Variants in TBC1D14 observed in about 807,000 individuals in gnomAD.
TBC1D14 encodes TBC1 domain family, member 14.
TBC1D14 carries 26 observed loss-of-function variants against 79.0 expected under a neutral mutation model. That is an observed-to-expected ratio of 0.33 (90% CI 0.24 to 0.46). The LOEUF is 0.46. Among genes scored for constraint, TBC1D14 ranks in the 20% least tolerant of loss-of-function variants. The probability of loss-of-function intolerance (pLI) is 1.00; values close to 1 mark genes in which losing one functional copy is unlikely to be tolerated. For missense variants in TBC1D14, 769 were observed against 887.6 expected (o/e 0.87, Z 1.70); for synonymous variants, 394 against 349.9 (o/e 1.13, Z -1.40).
chr4:7,009,682 T>C, intron 9 of TBC1D14, among the ~76,000 whole-genome samples, 195 bp from the exon 10 acceptor site: 1 of 152,244 alleles, frequency 6.6e-6, no homozygotes, highest in East Asian at 1.9e-4. Context: ...TAGCGTGAGC[T>C]GCAGACTTCC....
intron 3 of TBC1D14, among the ~76,000 whole-genome samples, chr4:6,984,046 G>A (rs958283183): frequency 1.4e-5 from 2 of 143,916 alleles, no homozygotes; most frequent in Non-Finnish European, 3.1e-5. Flanking sequence ...AAACACATTT[G>A]TTCTTTTACA....
chr4:7,016,862 C>CCT (rs1295733626), intron 12 of TBC1D14, among the ~76,000 whole-genome samples: 3 of 152,194 alleles, frequency 2.0e-5, no homozygotes, highest in African/African-American at 4.8e-5. Context: ...TCTGTCCCAG[C>CCT]CTGAAGATGG....
At chr4:6,943,016 A>C (rs186540238) in intron 2 of TBC1D14, among the ~76,000 whole-genome samples, 233 of 152,342 alleles carry the variant, frequency 1.5e-3, no homozygotes, top group Non-Finnish European at 2.9e-3. Context: ...ATAAAGCTTC[A>C]AACACAACGG....
intron 3 of TBC1D14, chr4:6,987,653 G>C: frequency 2.8e-6 from 1 of 352,506 alleles, no homozygotes. Context: ...CACGTCCTTT[G>C]AGTCCTCCTT....
intron 7 of TBC1D14, among the ~76,000 whole-genome samples, chr4:7,003,959 T>C (rs1178382351): frequency 1.3e-5 from 2 of 152,088 alleles, no homozygotes; most frequent in African/African-American, 2.4e-5. Context: ...TCAGCCAAGA[T>C]TGCGCCACTG....
At chr4:6,951,896 T>C (rs1714077137) in intron 2 of TBC1D14, among the ~76,000 whole-genome samples, 1 of 152,088 alleles carries the variant, frequency 6.6e-6, no homozygotes, top group Admixed American at 6.6e-5. Context: ...TTGTGACTGT[T>C]GAGTGTTGAG....
At chr4:6,949,310 G>A (rs1713794334) in intron 2 of TBC1D14, among the ~76,000 whole-genome samples, 3 of 152,122 alleles carry the variant, frequency 2.0e-5, no homozygotes, top group African/African-American at 7.2e-5. Context: ...AATCAGTTTG[G>A]CAGATTGTAC....
chr4:6,923,425 C>A lies in TBC1D14; in HGVS notation c.36C>A (p.Gly12=), dbSNP rs373435463. ...GAAAACTCTCCACCTCTACAAATGG[C>A]GTAGCCTTCATGGGTATTCTGGATG... The part of the protein sequence containing the change: ...TDGKLSTSTN[G]VAFMGILDGR... Residue 12 remains glycine, a synonymous_variant, in exon 2 of 14, where the codon GGC becomes GGA. Transcript: ENST00000409757. 6.2e-7 allele frequency: 1 copy of A among 1,613,742 alleles called. No individual in the cohort carries two copies. Among genetic ancestry groups the A allele is most frequent in the Non-Finnish European group, 8.5e-7 (1 of 1,179,848 alleles).
intron 13 of TBC1D14, among the ~76,000 whole-genome samples, chr4:7,028,626 C>G (rs1219724240): frequency 6.6e-6 from 1 of 152,058 alleles, no homozygotes; most frequent in Non-Finnish European, 1.5e-5. Flanking sequence ...GGGGTTTCAC[C>G]ACGTTGACCA....
intron 2 of TBC1D14, among the ~76,000 whole-genome samples, chr4:6,943,342 C>T (rs1439450390): frequency 6.6e-6 from 1 of 152,220 alleles, no homozygotes; most frequent in African/African-American, 2.4e-5. Flanking sequence ...CCCTCTGCCC[C>T]TCTCCCTTCT....
At chr4:6,920,212 G>A (rs936171827) in intron 1 of TBC1D14, among the ~76,000 whole-genome samples, 11 of 152,006 alleles carry the variant, frequency 7.2e-5, no homozygotes, top group African/African-American at 2.2e-4. Context: ...TTGACTCAGC[G>A]CTGCACTCTT....
chr4:6,948,568 T>TG (rs111368546), intron 2 of TBC1D14, among the ~76,000 whole-genome samples: 2 of 152,032 alleles, frequency 1.3e-5, no homozygotes, highest in Non-Finnish European at 2.9e-5. Flanking sequence ...TGTGCGTGCC[T>TG]GGGGGGTGGG....
chr4:6,994,109 A>C, intron 3 of TBC1D14, 75 bp from the exon 4 acceptor site: 1 of 1,304,006 alleles, frequency 7.7e-7, no homozygotes, highest in Non-Finnish European at 1.1e-6. Flanking sequence ...TCATGACAAA[A>C]CAACTTTCTT....
intron 2 of TBC1D14, among the ~76,000 whole-genome samples, chr4:6,937,238 ATAT>A (rs1211249945): frequency 6.6e-6 from 1 of 152,222 alleles, no homozygotes; most frequent in Non-Finnish European, 1.5e-5. Context: ...TTTAAACATA[ATAT>A]TGTAGACGAG....
At chr4:7,028,154 C>T (rs918023755) in intron 13 of TBC1D14, among the ~76,000 whole-genome samples, 30 of 152,072 alleles carry the variant, frequency 2.0e-4, no homozygotes, top group African/African-American at 6.3e-4. Flanking sequence ...ACACATTACA[C>T]ACCCACACAC....
At chr4:6,972,460 C>T (rs572363924) in intron 3 of TBC1D14, among the ~76,000 whole-genome samples, 2 of 152,288 alleles carry the variant, frequency 1.3e-5, no homozygotes, top group South Asian at 4.1e-4. Flanking sequence ...CCTCGGCTTC[C>T]AGGCTGCCCG....
intron 9 of TBC1D14, among the ~76,000 whole-genome samples, chr4:7,007,988 A>G (rs1720377660): frequency 1.3e-5 from 2 of 152,182 alleles, no homozygotes; most frequent in African/African-American, 4.8e-5. Flanking sequence ...TTGGGCTTTT[A>G]TCACAGATTG....
chr4:6,998,994 G>T, intron 5 of TBC1D14, 91 bp from the exon 6 acceptor site: 2 of 1,275,450 alleles, frequency 1.6e-6, no homozygotes, highest in East Asian at 2.4e-5. Flanking sequence ...GGTTTTCCTG[G>T]TGTGTTCGCA....
chr4:7,006,606 T>A, intron 8 of TBC1D14, 26 bp from the exon 9 acceptor site: 1 of 1,600,206 alleles, frequency 6.2e-7, no homozygotes, highest in Non-Finnish European at 8.6e-7. Flanking sequence ...TTGAGGAATG[T>A]AATTATTTTT....
Sources: gnomAD v4.1 joint callset for allele counts (sites outside exome capture counted in the v4.1 genomes callset) on GRCh38, gnomAD v4.1.1 for gene constraint, MANE v1.5 for transcripts, NCBI Gene and HGNC (gene_info 2026-07-23, HGNC 2026-07-21) for gene names.